The following DIS3L2 variants were observed in gnomAD, a reference collection of about 807,000 sequenced individuals.
The protein encoded by DIS3L2 is DIS3-like exonuclease 2.
A neutral mutation model predicts 97.5 loss-of-function variants in DIS3L2; 34 were observed. The observed-to-expected ratio is 0.35, with a 90% CI of 0.27 to 0.46. The LOEUF (loss-of-function observed/expected upper bound fraction) is 0.46, where lower values mean the gene tolerates loss of function less well. Ranked by LOEUF, DIS3L2 falls within the 20% of genes least tolerant of loss-of-function variation. The pLI, the probability that DIS3L2 is intolerant of heterozygous loss-of-function variation, is 1.00. For missense variants in DIS3L2, 1,038 were observed against 1,146.0 expected (o/e 0.91, Z 1.36); for synonymous variants, 435 against 445.2 (o/e 0.98, Z 0.29).
intron 13 of DIS3L2, among the ~76,000 whole-genome samples, chr2:232,270,502 A>G (rs151074225): frequency 9.2e-5 from 14 of 152,334 alleles, no homozygotes; most frequent in East Asian, 3.9e-4. Context: ...ATATTCTGTC[A>G]TATGAATATA....
intron 5 of DIS3L2, among the ~76,000 whole-genome samples, chr2:232,068,516 G>C (rs988200701): frequency 6.6e-6 from 1 of 151,836 alleles, no homozygotes. Flanking sequence ...TGGGAGGTTG[G>C]GGGTACAATG....
chr2:232,331,591 C>G (rs1695739284), intron 16 of DIS3L2: 1 of 152,226 alleles, frequency 6.6e-6, no homozygotes, highest in South Asian at 2.1e-4. Flanking sequence ...CAAGTGTCTG[C>G]CCAGCCAAGC....
chr2:232,162,783 A>T (rs1690692723), intron 8 of DIS3L2, among the ~76,000 whole-genome samples: 1 of 152,224 alleles, frequency 6.6e-6, no homozygotes, highest in Admixed American at 6.5e-5. Flanking sequence ...GACAATGCTT[A>T]TGAGAATAGA....
At position 232,276,943 on chromosome 2, in the gene DIS3L2, C is replaced by T. The variant is rs1397956736; in HGVS notation, c.1659+13503C>T. Among the ~76,000 whole-genome samples, 1 of 152,200 alleles carries T rather than the reference C, an allele frequency of 6.6e-6. No individual in the cohort carries two copies. On this transcript the variant is annotated intron_variant, in intron 13 of 20. Coordinates refer to ENST00000325385, the MANE Select transcript of DIS3L2 (RefSeq NM_152383.5). This position sits in a 1 kb window ranked among gnomAD's most constrained non-coding sequence, Gnocchi z 4.4. ...GTGAGAAAGGGCCCACTTCTGTCTT[C>T]ACAGAAGAGCTACTTTAACACAGAG... is the stretch of plus-strand genomic sequence containing the variant.
At chr2:232,060,760 A>G (rs1193193259) in intron 5 of DIS3L2, among the ~76,000 whole-genome samples, 1 of 152,136 alleles carries the variant, frequency 6.6e-6, no homozygotes, top group Non-Finnish European at 1.5e-5. Context: ...TGGACATTTT[A>G]ACATTATTAA....
Position 232,135,061 on chromosome 2 carries a change from G to A in DIS3L2, c.703-1411G>A, listed in dbSNP as rs150502784. On this transcript the variant is annotated intron_variant, in intron 7 of 20. Transcript: ENST00000325385. The stretch of plus-strand genomic sequence containing the variant: ...GTGGATTCATCGGAGAGGAGGTGTT[G>A]GAATTGGAATAGTTCCAGATGATGC... 6.4e-3 allele frequency among the ~76,000 whole-genome samples: 978 copies of A among 152,244 alleles called. 11 individuals carry two copies. Among genetic ancestry groups the A allele is most frequent in the Admixed American group, 0.012 (182 of 15,280 alleles).
chr2:232,215,166 C>T (rs1692297210), intron 10 of DIS3L2, among the ~76,000 whole-genome samples: 1 of 152,152 alleles, frequency 6.6e-6, no homozygotes, highest in African/African-American at 2.4e-5. Context: ...GGAGTTTACA[C>T]CTTAACCACA....
Position 232,307,998 on chromosome 2 carries a change from G to A in DIS3L2, c.1739+7879G>A, listed in dbSNP as rs549352479. 1.5e-4 allele frequency among the ~76,000 whole-genome samples: 23 copies of A among 152,284 alleles called. 1 individual carries two copies. The South Asian group carries it at 2.7e-3, about 18-fold the overall frequency. ...GCTGCAGGGAGTGCTGATTCCAGCC[G>A]TTTCTAAGCAGGCCTGCTTGGGAAG... On this transcript the variant is annotated intron_variant, in intron 14 of 20. Transcript: ENST00000325385.
chr2:232,207,472 T>C (rs780799610), intron 9 of DIS3L2, among the ~76,000 whole-genome samples: 10 of 152,214 alleles, frequency 6.6e-5, no homozygotes, highest in Non-Finnish European at 1.3e-4. Context: ...TTCCAGGAGA[T>C]CAGTGTTTCT....
Position 232,330,752 on chromosome 2 carries a change from C to T in DIS3L2, c.1986C>T (p.Thr662=). Residue 662 remains threonine (T), a synonymous_variant, in exon 16 of 21, where the codon ACC becomes ACT. Transcript: ENST00000325385. The part of the protein sequence containing the change: ...KYSLARKEVL[T]NMCSRPMQMA... ...CACTGGCCCGCAAGGAGGTGCTCAC[C>T]AACATGTGCTCCCGGCCCATGCAGG... The T allele has an allele frequency of 6.2e-7, 1 of 1,612,842 alleles. No homozygotes were observed. Among genetic ancestry groups the T allele is most frequent in the Non-Finnish European group, 8.5e-7 (1 of 1,180,010 alleles).
intron 9 of DIS3L2, among the ~76,000 whole-genome samples, chr2:232,184,209 G>T (rs1047613872): frequency 1.3e-5 from 2 of 152,224 alleles, no homozygotes; most frequent in Non-Finnish European, 2.9e-5. Flanking sequence ...TTTCAGAGGA[G>T]GCCTCTACTT....
At chr2:232,039,503 C>T (rs150435646) in intron 5 of DIS3L2, among the ~76,000 whole-genome samples, 11 of 152,094 alleles carry the variant, frequency 7.2e-5, no homozygotes, top group East Asian at 5.8e-4. Flanking sequence ...CAGTTCTTTT[C>T]GTTGTAGTAG....
At chr2:232,132,877 C>T (rs1411993588) in intron 7 of DIS3L2, among the ~76,000 whole-genome samples, 2 of 152,102 alleles carry the variant, frequency 1.3e-5, no homozygotes, top group African/African-American at 4.8e-5. Context: ...AGGCACTGAA[C>T]ATTCAGAGAC....
At chr2:232,199,842 T>A (rs2106205544) in intron 9 of DIS3L2, among the ~76,000 whole-genome samples, 1 of 152,226 alleles carries the variant, frequency 6.6e-6, no homozygotes, top group East Asian at 1.9e-4. Context: ...TTTGAACCAT[T>A]TAAAGTTTTA....
intron 16 of DIS3L2, among the ~76,000 whole-genome samples, chr2:232,333,539 G>T (rs533097318): frequency 3.3e-5 from 5 of 152,292 alleles, no homozygotes; most frequent in African/African-American, 1.2e-4. Flanking sequence ...GGGTGGGCTT[G>T]TCCAGGCCAT....
intron 14 of DIS3L2, among the ~76,000 whole-genome samples, chr2:232,327,231 C>T (rs1695603435): frequency 6.6e-6 from 1 of 152,238 alleles, no homozygotes; most frequent in Non-Finnish European, 1.5e-5. Flanking sequence ...GCCTGGTGGC[C>T]TCCTTAGCCT....
chr2:232,343,196 C>G, intron 13 of DIS3L2: 1 of 698,150 alleles, frequency 1.4e-6, no homozygotes, highest in Non-Finnish European at 2.5e-6. Context: ...TATGAAGAGG[C>G]TATTTCCTGT....
Position 232,030,060 on chromosome 2 carries a change from C to A in DIS3L2, c.346C>A (p.Leu116Ile), listed in dbSNP as rs2106239853. The change falls in exon 5 of 21, where the codon CTT becomes ATT. Residue 116 changes from leucine (L) to isoleucine (I), a missense_variant. Around this residue, in one of 3 missense-constraint regions of DIS3L2, gnomAD observed 813 missense variants for 880.1 expected, o/e 0.92. Transcript: ENST00000325385. ...TGGGGATCTGGTGGTCGTGAAACTG[C>A]TTCCCGAGGAGCATTGGAAGGTGAG... ...LNGDLVVVKL[L>I]PEEHWKVVKP... 1 of 1,611,476 alleles carries A rather than the reference C, an allele frequency of 6.2e-7. No individual in the cohort carries two copies. The highest frequency in any genetic ancestry group is 8.5e-7 in the Non-Finnish European group (1 of 1,179,046).
chr2:232,296,279 G>A (rs1349590651), intron 13 of DIS3L2, among the ~76,000 whole-genome samples: 1 of 152,244 alleles, frequency 6.6e-6, no homozygotes, highest in Non-Finnish European at 1.5e-5. Flanking sequence ...CTGGTGAGGT[G>A]AAAGGAGCAT....
Sources: allele counts gnomAD v4.1 joint callset (sites outside exome capture counted in the v4.1 genomes callset), GRCh38; gene constraint gnomAD v4.1.1; regional missense constraint gnomAD v4.1.1; non-coding constraint Gnocchi (gnomAD v3.1); transcripts MANE v1.5; gene names NCBI Gene and HGNC (gene_info 2026-07-23, HGNC 2026-07-21).